The following KIF20B variants were observed in gnomAD, a reference collection of about 807,000 sequenced individuals.
KIF20B encodes the protein kinesin-like protein KIF20B.
A neutral mutation model predicts 232.5 loss-of-function variants in KIF20B; 188 were observed. The ratio of observed to expected loss-of-function variants is 0.81; its 90% CI spans 0.72 to 0.91. The LOEUF is 0.91. Among genes scored for constraint, KIF20B ranks in the 40% least tolerant of loss-of-function variants. KIF20B has a pLI of 0.00. For missense variants in KIF20B, 2,154 were observed against 2,055.9 expected (o/e 1.05, Z -0.92); for synonymous variants, 712 against 683.0 (o/e 1.04, Z -0.66).
rs545283362 is a variant in KIF20B at position 89,705,141 on chromosome 10, T to C, written c.-1-153T>C. Among the ~76,000 whole-genome samples the C allele has an allele frequency of 5.5e-4, 84 of 152,354 alleles. 1 individual carries two copies. Among genetic ancestry groups the C allele is most frequent in the South Asian group, 3.5e-3 (17 of 4,830 alleles). ...ATAATTTGATCTTTAGTCTTTCCTG[T>C]AGGGCATTGTGTTATAAATGAAGCA... On this transcript the variant is annotated intron_variant, in intron 1 of 32. Transcript: ENST00000371728.
Position 89,762,712 on chromosome 10 carries a change from G to C in KIF20B, c.4866G>C (p.Glu1622Asp). The C allele has an allele frequency of 6.2e-7, 1 of 1,613,634 alleles. No homozygotes were observed. The highest frequency in any genetic ancestry group is 8.5e-7 in the Non-Finnish European group (1 of 1,179,762). The change falls in exon 29 of 33, where the codon GAG becomes GAC. Residue 1622 changes from glutamate to aspartate, a missense_variant. Physicochemically the swap from Glu to Asp is conservative, Grantham distance 45. Transcript: ENST00000371728. ...AAAGCACTCGATTTCCAAAACCTGA[G>C]TTAGAGATTCAATTTACACCTTTAC... ...NDQSTRFPKP[E>D]LEIQFTPLQP...
chr10:89,720,844 T>C (rs1308080908), intron 13 of KIF20B, among the ~76,000 whole-genome samples: 1 of 152,048 alleles, frequency 6.6e-6, no homozygotes, highest in Non-Finnish European at 1.5e-5. Context: ...TAGCTGGGAG[T>C]ATAGGCATGC....
In KIF20B at chr10:89,749,746, C is replaced by T. The variant is rs1336878537; in HGVS notation, c.4097-1600C>T. On this transcript the variant is annotated intron_variant, in intron 23 of 32. Transcript: ENST00000371728. ...ATTGTGTATGTATCCGTACTTTATT[C>T]CTTGCTATGGCTGAATAATATTCCG... 2.0e-5 allele frequency among the ~76,000 whole-genome samples: 3 copies of T among 151,946 alleles called. No homozygotes were observed. The South Asian group carries it at 6.2e-4, about 32-fold the overall frequency.
At chr10:89,732,871 A>G in intron 18 of KIF20B, 32 bp from the exon 19 acceptor site, 1 of 1,480,268 alleles carries the variant, frequency 6.8e-7, no homozygotes, top group Non-Finnish European at 9.1e-7. Context: ...AGCTTTCTAT[A>G]TGTGAATTAT....
intron 14 of KIF20B, 67 bp downstream of exon 14, chr10:89,724,170 TAC>T: frequency 1.5e-6 from 2 of 1,334,960 alleles, no homozygotes; most frequent in Non-Finnish European, 2.0e-6. Flanking sequence ...TTTTTTTTTT[TAC>T]TTAGTTTACT....
intron 26 of KIF20B, among the ~76,000 whole-genome samples, chr10:89,755,435 T>C (rs1376650532): frequency 8.7e-5 from 8 of 92,322 alleles, no homozygotes; most frequent in Non-Finnish European, 1.1e-4. Context: ...CTCCCCCCTT[T>C]CCTTCCCTCC....
In KIF20B at chr10:89,715,992, AAAATAAAT is replaced by A. The variant is rs372772817; in HGVS notation, c.941-420_941-413del. ...GGCAACAGAGTGAAACCTTGTCTCC[AAAATAAAT>A]AAATAAATAAATAAATAAATAAAAA... On this transcript the variant is annotated intron_variant, in intron 8 of 32. Transcript: ENST00000371728. 3.7e-4 allele frequency among the ~76,000 whole-genome samples: 55 copies of A among 149,060 alleles called. 1 individual carries two copies. Among genetic ancestry groups the A allele is most frequent in the Middle Eastern group, 3.4e-3 (1 of 292 alleles).
Position 89,772,740 on chromosome 10 carries a change from C to G in KIF20B, c.5294C>G (p.Ala1765Gly), listed in dbSNP as rs1232665100. The G allele has an allele frequency of 6.2e-7, 1 of 1,606,064 alleles. No homozygotes were observed. The highest frequency in any genetic ancestry group is 1.3e-5 in the African/African-American group (1 of 74,612). Reference protein sequence around the residue: ...MSSSKLSNVEASKENVSQPKR... With the variant: ...MSSSKLSNVEGSKENVSQPKR... ...TCTTCAAAGCTCTCAAATGTAGAAG[C>G]AAGTAAAGAAAATGTGTCTCAACCA... The change falls in exon 32 of 33, where the codon GCA becomes GGA. Residue 1765 changes from alanine (A) to glycine (G), a missense_variant. Transcript: ENST00000371728.
chr10:89,768,686 T>G, intron 30 of KIF20B, 52 bp from the exon 31 acceptor site: 1 of 1,499,774 alleles, frequency 6.7e-7, no homozygotes, highest in Non-Finnish European at 9.0e-7. Context: ...GCCATAACTA[T>G]TTCCTTCTAA....
intron 17 of KIF20B, among the ~76,000 whole-genome samples, chr10:89,728,815 G>T (rs1178900646): frequency 1.3e-5 from 2 of 152,018 alleles, no homozygotes; most frequent in African/African-American, 2.4e-5. Flanking sequence ...CTGGCCCAGG[G>T]TGACATATTA....
Position 89,723,990 on chromosome 10 carries a change from G to GAA in KIF20B, c.1757_1758dup (p.Leu587AsnfsTer2). ...AACTGTTGGACTTAATAGAAGACTT[G>GAA]AAAAAAAAACTGATAAATGAAAAAA... On this transcript the variant is annotated frameshift_variant, in exon 14 of 33. Transcript: ENST00000371728. LOFTEE classifies it high-confidence loss of function. The GAA allele has an allele frequency of 3.3e-6, 5 of 1,534,754 alleles. No homozygotes were observed. The highest frequency in any genetic ancestry group is 2.1e-5 in the Admixed American group (1 of 48,004).
intron 6 of KIF20B, among the ~76,000 whole-genome samples, chr10:89,711,849 A>G (rs940256969): frequency 6.6e-6 from 1 of 152,036 alleles, no homozygotes; most frequent in Admixed American, 6.6e-5. Flanking sequence ...CTAAGTCTCC[A>G]TTGATGGACA....
intron 20 of KIF20B, 58 bp downstream of exon 20, chr10:89,738,675 C>A: frequency 6.8e-7 from 1 of 1,480,058 alleles, no homozygotes; most frequent in Non-Finnish European, 8.9e-7. Context: ...TTTTGCTATG[C>A]AGCTTTAAAA....
In KIF20B at chr10:89,760,571, G is replaced by A; in HGVS notation, c.4726G>A (p.Asp1576Asn). The A allele has an allele frequency of 1.2e-6, 2 of 1,613,234 alleles. No homozygotes were observed. The highest frequency in any genetic ancestry group is 1.7e-6 in the Non-Finnish European group (2 of 1,179,418). The change falls in exon 28 of 33, where the codon GAT (aspartate) becomes AAT (asparagine). Residue 1576 changes from aspartate to asparagine, a missense_variant. By Grantham distance (23) the Asp-to-Asn change is conservative. Coordinates refer to ENST00000371728, the MANE Select transcript of KIF20B (RefSeq NM_001284259.2). The stretch of plus-strand genomic sequence containing the variant: ...CAAGCCCAAACGTATTAGTTCAGCA[G>A]ATCCTGACAAACTTCAAACTGAACC... The part of the protein sequence containing the change: ...DIKPKRISSA[D>N]PDKLQTEPLS...
intron 26 of KIF20B, among the ~76,000 whole-genome samples, chr10:89,755,304 C>T (rs1375448894): frequency 6.6e-6 from 1 of 152,082 alleles, no homozygotes; most frequent in African/African-American, 2.4e-5. Context: ...TTGGCATTTC[C>T]TTTTTTTATG....
Position 89,762,791 on chromosome 10 carries a change from A to G in KIF20B, c.4945A>G (p.Lys1649Glu), listed in dbSNP as rs34354493. Residue 1649 changes from lysine (K) to glutamate (E), a missense_variant, in exon 29 of 33, where the codon AAG (lysine) becomes GAG (glutamate). Physicochemically the swap from Lys to Glu is moderately conservative, Grantham distance 56 (BLOSUM62 1). Coordinates refer to ENST00000371728, the MANE Select transcript of KIF20B (RefSeq NM_001284259.2). ...TGGTTGTACCACACCAGTGACAGTT[A>G]AGATTCCCAAGGCTCGGAAGAGGAA... ...HPGCTTPVTV[K>E]IPKARKRKSN... 338,498 of 1,610,542 alleles carry G rather than the reference A, an allele frequency of 0.21. 38,652 individuals carry two copies. The highest frequency in any genetic ancestry group is 0.24 in the Non-Finnish European group (277,371 of 1,176,986).
intron 14 of KIF20B, 142 bp downstream of exon 14, chr10:89,724,245 G>A (rs1843128042): frequency 2.3e-5 from 19 of 828,286 alleles, no homozygotes; most frequent in Non-Finnish European, 3.0e-5. Flanking sequence ...AGCTGTTACT[G>A]GTCTGGTGCG....
chr10:89,760,077 C>T (rs1037565683), intron 27 of KIF20B, among the ~76,000 whole-genome samples: 1 of 152,096 alleles, frequency 6.6e-6, no homozygotes, highest in Non-Finnish European at 1.5e-5. Flanking sequence ...TGAGAAGCCT[C>T]CAGTTTTTCA....
Position 89,737,617 on chromosome 10 carries a change from A to G in KIF20B, c.2776A>G (p.Asn926Asp). 1 of 1,606,392 alleles carries G rather than the reference A, an allele frequency of 6.2e-7. No homozygotes were observed. The highest frequency in any genetic ancestry group is 8.5e-7 in the Non-Finnish European group (1 of 1,176,884). ...GGAACTTTCTCTTTCTGAAAAAAAG[A>G]ATTTAACTTTAAGTAAAGAGGTCCA... Reference protein sequence around the residue: ...QQELSLSEKKNLTLSKEVQQI... With the variant: ...QQELSLSEKKDLTLSKEVQQI... Residue 926 changes from asparagine (N) to aspartate (D), a missense_variant, in exon 20 of 33, where the codon AAT becomes GAT. Physicochemically the swap from Asn to Asp is conservative, Grantham distance 23 (BLOSUM62 1). Coordinates refer to ENST00000371728, the MANE Select transcript of KIF20B (RefSeq NM_001284259.2).
Sources: gnomAD v4.1 joint callset for allele counts (sites outside exome capture counted in the v4.1 genomes callset) on GRCh38, gnomAD v4.1.1 for gene constraint, MANE v1.5 for transcripts, NCBI Gene and HGNC (gene_info 2026-07-23, HGNC 2026-07-21) for gene names.